The following UGT2B7 variants were observed in gnomAD, a reference collection of about 807,000 sequenced individuals.
UGT2B7 encodes UDP glucuronosyltransferase family 2 member B7, also known as UDP-glucuronosyltransferase 2B7.
UGT2B7 carries 51 observed loss-of-function variants against 51.9 expected under a neutral mutation model. The observed-to-expected ratio is 0.98, with a 90% CI of 0.78 to 1.24. UGT2B7 has a LOEUF of 1.24. UGT2B7 is among the 50% of genes most tolerant of loss of function. UGT2B7 has a pLI of 0.00. For synonymous variants in UGT2B7, 225 were observed against 211.6 expected (o/e 1.06, Z -0.55); for missense variants, 727 against 628.4 (o/e 1.16, Z -1.68).
chr4:69,085,864 A>G (rs1051852985), intron 1 of UGT2B7, among the ~76,000 whole-genome samples: 1 of 151,728 alleles, frequency 6.6e-6, no homozygotes, highest in Non-Finnish European at 1.5e-5. Context: ...TCTGTGTATC[A>G]GTTGTTATGT....
At chr4:69,080,233 C>A (rs1348187418) in intron 1 of UGT2B7, among the ~76,000 whole-genome samples, 1 of 152,040 alleles carries the variant, frequency 6.6e-6, no homozygotes, top group African/African-American at 2.4e-5. Context: ...TATGAAATAT[C>A]TGATCCTTTC....
rs1196170694 is a variant in UGT2B7, at chr4:69,112,849, AG to A, written c.*114del. The A allele has an allele frequency of 6.8e-5, 92 of 1,353,542 alleles. No homozygotes were observed. Among genetic ancestry groups the A allele is most frequent in the Non-Finnish European group, 8.5e-5 (87 of 1,027,212 alleles). The allele number at this position is 1,353,542 out of a possible 1,614,324, so 83.8% of individuals were successfully genotyped here. On this transcript the variant is annotated 3_prime_UTR_variant, in exon 6 of 6. Coordinates refer to ENST00000305231, the MANE Select transcript of UGT2B7 (RefSeq NM_001074.4). The stretch of plus-strand genomic sequence containing the variant: ...TTCTTCCTGAGACAAAAAAAAAAAA[AG>A]AAAAAAAAATCTTTTCAAAATTTAC...
At chr4:69,077,035 G>C (rs1718722169) in intron 1 of UGT2B7, among the ~76,000 whole-genome samples, 1 of 152,144 alleles carries the variant, frequency 6.6e-6, no homozygotes, top group African/African-American at 2.4e-5. Flanking sequence ...TATTAAATAG[G>C]GAATGCTTTC....
At chr4:69,098,510 A>G in intron 1 of UGT2B7, 30 bp from the exon 2 acceptor site, 1 of 1,541,018 alleles carries the variant, frequency 6.5e-7, no homozygotes, top group South Asian at 1.2e-5. Context: ...ATCTTGTGTC[A>G]TCCACCTTTT....
At chr4:69,094,975 C>G (rs1189391103), upstream of UGT2B7, among the ~76,000 whole-genome samples, 4 of 152,182 alleles carry the variant, frequency 2.6e-5, no homozygotes, top group African/African-American at 9.7e-5. Flanking sequence ...TAACTCCTCA[C>G]TTATTTGTTT....
upstream of UGT2B7, among the ~76,000 whole-genome samples, chr4:69,093,130 CTGGCCTAAGAACAA>C: frequency 6.6e-6 from 1 of 152,240 alleles, no homozygotes; most frequent in South Asian, 2.1e-4. Flanking sequence ...CAAATCTCTG[CTGGCCTAAGAACAA>C]TGGTGGAAAT....
intron 1 of UGT2B7, among the ~76,000 whole-genome samples, chr4:69,063,313 C>T (rs1577907952): frequency 3.2e-5 from 1 of 31,528 alleles, no homozygotes; most frequent in Non-Finnish European, 4.7e-5. Flanking sequence ...AGCGAGACTC[C>T]GTCTCAAAAA....
intron 2 of UGT2B7, among the ~76,000 whole-genome samples, chr4:69,090,830 G>A (rs1399197788): frequency 6.6e-6 from 1 of 152,146 alleles, no homozygotes. Context: ...GCTTGCTAAA[G>A]GAAAATCTTG....
chr4:69,080,342 G>A (rs1421896712), intron 1 of UGT2B7, among the ~76,000 whole-genome samples: 2 of 152,090 alleles, frequency 1.3e-5, no homozygotes, highest in East Asian at 1.9e-4. Flanking sequence ...GAGGTCAGGA[G>A]TTTGAGACCA....
upstream of UGT2B7, among the ~76,000 whole-genome samples, chr4:69,094,769 C>T (rs1719176535): frequency 6.6e-6 from 1 of 152,190 alleles, no homozygotes; most frequent in African/African-American, 2.4e-5. Context: ...GCATGCAATG[C>T]TGTCAGATAG....
intron 1 of UGT2B7, among the ~76,000 whole-genome samples, chr4:69,065,859 TA>T (rs1718472604): frequency 6.6e-6 from 1 of 150,862 alleles, no homozygotes; most frequent in African/African-American, 2.4e-5. Flanking sequence ...AGTAATTTTT[TA>T]ATCTTCTTTA....
rs540430232 is a variant in UGT2B7, at chr4:69,082,943, G to A, written c.-158-6529G>A. ...CGTTAGTGGCTAATTCAGCTGGTGAGTTTAGTTGAAGCCAATGTTCATTTA... is the reference window on the plus strand; with the variant it reads ...CGTTAGTGGCTAATTCAGCTGGTGAATTTAGTTGAAGCCAATGTTCATTTA... On this transcript the variant is annotated intron_variant, in intron 1 of 5. Transcript: ENST00000502942. 3.3e-5 allele frequency among the ~76,000 whole-genome samples: 5 copies of A among 152,082 alleles called. No homozygotes were observed. In the East Asian group the frequency reaches 9.6e-4, roughly 29 times the overall value.
chr4:69,061,586 C>A (rs1167730887), intron 1 of UGT2B7, among the ~76,000 whole-genome samples: 2 of 152,200 alleles, frequency 1.3e-5, no homozygotes, highest in Non-Finnish European at 2.9e-5. Flanking sequence ...GGTGGAAATT[C>A]TCCAATGGGA....
intron 1 of UGT2B7, among the ~76,000 whole-genome samples, chr4:69,069,380 A>G (rs892267535): frequency 6.6e-6 from 1 of 151,882 alleles, no homozygotes; most frequent in Non-Finnish European, 1.5e-5. Context: ...ATTTTTTTTA[A>G]CCCTTTGGAC....
At chr4:69,081,069 C>T (rs1045142706) in intron 1 of UGT2B7, among the ~76,000 whole-genome samples, 1 of 152,104 alleles carries the variant, frequency 6.6e-6, no homozygotes, top group Non-Finnish European at 1.5e-5. Flanking sequence ...TAATTATTTA[C>T]ATAGAGAAAT....
chr4:69,091,701 G>T (rs1217101473), upstream of UGT2B7, among the ~76,000 whole-genome samples: 1 of 152,098 alleles, frequency 6.6e-6, no homozygotes, highest in Non-Finnish European at 1.5e-5. Context: ...CTGCTGTGCT[G>T]GTTGTGCATT....
chr4:69,088,456 G>T (rs1230873705), intron 1 of UGT2B7, among the ~76,000 whole-genome samples: 1 of 151,898 alleles, frequency 6.6e-6, no homozygotes, highest in Non-Finnish European at 1.5e-5. Context: ...CCTTAATTCT[G>T]CACTGTAACT....
At chr4:69,055,098 T>TAAAAA (rs1178892377) in intron 1 of UGT2B7, among the ~76,000 whole-genome samples, 121 of 22,540 alleles carry the variant, frequency 5.4e-3, no homozygotes, top group African/African-American at 6.8e-3. Context: ...AAGTAATAGC[T>TAAAAA]AAAAAAAAAA....
chr4:69,098,933 T>C (rs953326441), intron 2 of UGT2B7, among the ~76,000 whole-genome samples: 1 of 151,886 alleles, frequency 6.6e-6, no homozygotes, highest in Non-Finnish European at 1.5e-5. Flanking sequence ...TAAATTAAAG[T>C]CTTCATTATG....
Sources: allele counts gnomAD v4.1 joint callset (sites outside exome capture counted in the v4.1 genomes callset), GRCh38; gene constraint gnomAD v4.1.1; transcripts MANE v1.5; gene names NCBI Gene and HGNC (gene_info 2026-07-23, HGNC 2026-07-21).